TSPAN17: variants seen among roughly 807,000 people sequenced by gnomAD.
TSPAN17 encodes the protein tetraspanin-17.
In TSPAN17, 33 loss-of-function variants were observed where a neutral mutation model predicts 40.5. The ratio of observed to expected loss-of-function variants is 0.81; its 90% confidence interval spans 0.62 to 1.09. TSPAN17 has a LOEUF of 1.09. Among genes scored for constraint, TSPAN17 ranks in the 50% least tolerant of loss-of-function variants. The pLI is 0.00. For synonymous variants in TSPAN17, 166 were observed against 169.4 expected (o/e 0.98, Z 0.15); for missense variants, 365 against 416.8 (o/e 0.88, Z 1.08).
Position 176,657,076 on chromosome 5 carries a change from T to C in TSPAN17, c.809+120T>C, listed in dbSNP as rs1761186337. The C allele has an allele frequency of 7.2e-6, 8 of 1,106,660 alleles. No individual in the cohort carries two copies. In the East Asian group the frequency reaches 2.1e-4, roughly 28 times the overall value. 68.6% of individuals were successfully genotyped at this position (1,106,660 alleles called of 1,614,324 possible). ...CTGCAGGAGATGTTCCTGCTGGGACTGAGCCTTGAGGGGTTCGCCTGAACC... is the reference window on the plus strand; with the variant it reads ...CTGCAGGAGATGTTCCTGCTGGGACCGAGCCTTGAGGGGTTCGCCTGAACC... On this transcript the variant is annotated intron_variant, in intron 8 of 8. Transcript: ENST00000508164.
rs754965746 is a variant in TSPAN17, at chr5:176,652,727, G to T, written c.286-16G>T. 1 of 1,613,636 alleles carries T rather than the reference G, an allele frequency of 6.2e-7. No homozygotes were observed. Among genetic ancestry groups the T allele is most frequent in the African/African-American group, 1.3e-5 (1 of 74,922 alleles). ...CCTGCGTTTCCAACCCCTACTGTCTGTATGCCCAACCCCAGTTCTCCGTGT... is the reference window on the plus strand; with the variant it reads ...CCTGCGTTTCCAACCCCTACTGTCTTTATGCCCAACCCCAGTTCTCCGTGT... On this transcript the variant is annotated splice_polypyrimidine_tract_variant and intron_variant, in intron 3 of 8. Transcript: ENST00000508164.
rs1213333014 is a variant in TSPAN17, at chr5:176,647,645, AC to A, written c.32del (p.Pro11LeufsTer45). Reference sequence around the variant, plus strand: ...CCGGCAAGCACCAGCATTTCCAGGAACCTGAGGTCGGCTGCTGCGGGAAATA... The same window carrying A: ...CCGGCAAGCACCAGCATTTCCAGGAACTGAGGTCGGCTGCTGCGGGAAATA... The part of the protein sequence containing the change: MPGKHQHFQE[P>X]EVGCCGKYFL... On this transcript the variant is annotated frameshift_variant, in exon 1 of 9. Coordinates refer to ENST00000508164, the MANE Select transcript of TSPAN17 (RefSeq NM_130465.5). LOFTEE classifies it high-confidence loss of function. The A allele has an allele frequency of 4.4e-6, 7 of 1,598,702 alleles. No homozygotes were observed. Among genetic ancestry groups the A allele is most frequent in the Non-Finnish European group, 6.0e-6 (7 of 1,173,534 alleles).
intron 1 of TSPAN17, among the ~76,000 whole-genome samples, chr5:176,648,252 A>G (rs999802887): frequency 3.9e-5 from 6 of 152,088 alleles, no homozygotes; most frequent in Admixed American, 1.3e-4. Context: ...ACCTGCCAGG[A>G]GGGGCAGGGA....
At position 176,647,714 on chromosome 5, in the gene TSPAN17, G is replaced by A. The variant is rs747821197; in HGVS notation, c.87+12G>A. 3.8e-6 allele frequency: 6 copies of A among 1,579,630 alleles called. No individual in the cohort carries two copies. The Admixed American group carries it at 1.1e-4, about 29-fold the overall frequency. On this transcript the variant is annotated intron_variant, in intron 1 of 8. Transcript: ENST00000508164. Reference sequence around the variant, plus strand: ...ACATTGTCTTCTGGGTGAGCGCGGGGTCTGCGCCTTGCCCTGTGCTGGGGG... The same window carrying A: ...ACATTGTCTTCTGGGTGAGCGCGGGATCTGCGCCTTGCCCTGTGCTGGGGG...
intron 1 of TSPAN17, 97 bp downstream of exon 1, chr5:176,647,799 T>G: frequency 8.1e-7 from 1 of 1,234,176 alleles, no homozygotes; most frequent in Non-Finnish European, 1.1e-6. Context: ...CCCCAAGAGT[T>G]TGGAGCTCGG....
intron 5 of TSPAN17, among the ~76,000 whole-genome samples, 157 bp downstream of exon 5, chr5:176,655,177 G>A (rs1005601972): frequency 2.0e-4 from 30 of 152,176 alleles, no homozygotes; most frequent in Admixed American, 1.7e-3. Context: ...GTTGGGGCGC[G>A]GCTGCTTTCC....
chr5:176,656,622 C>G, intron 6 of TSPAN17, 78 bp from the exon 7 acceptor site: 1 of 1,437,498 alleles, frequency 7.0e-7, no homozygotes, highest in Non-Finnish European at 9.7e-7. Flanking sequence ...CTGGGGTGGG[C>G]GTGAGCTTGG....
At position 176,659,027 on chromosome 5, in the gene TSPAN17, G is replaced by A. The variant is rs1761262594; in HGVS notation, c.*1329G>A. 1.3e-5 allele frequency: 2 copies of A among 152,294 alleles called. No individual in the cohort carries two copies. Among genetic ancestry groups the A allele is most frequent in the Admixed American group, 1.3e-4 (2 of 15,288 alleles). The allele number at this position is 152,294 out of a possible 1,614,324, so 9.4% of individuals were successfully genotyped here. On this transcript the variant is annotated 3_prime_UTR_variant, in exon 9 of 9. Coordinates refer to ENST00000508164, the MANE Select transcript of TSPAN17 (RefSeq NM_130465.5). ...CGCTGGCTGTGAGTGGTTTGTACAT[G>A]CTACAATAAATGCAGCTGGCAGCAT...
At chr5:176,652,557 G>T (rs1480764302) in intron 3 of TSPAN17, among the ~76,000 whole-genome samples, 186 bp from the exon 4 acceptor site, 1 of 152,130 alleles carries the variant, frequency 6.6e-6, no homozygotes, top group East Asian at 1.9e-4. Flanking sequence ...AATTGGATGG[G>T]TAGGTAACAA....
Position 176,656,804 on chromosome 5 carries a change from C to T in TSPAN17, c.735C>T (p.Ile245=), listed in dbSNP as rs772417953. 27 of 1,614,082 alleles carry T rather than the reference C, an allele frequency of 1.7e-5. No homozygotes were observed. Among genetic ancestry groups the T allele is most frequent in the South Asian group, 4.4e-5 (4 of 91,088 alleles). Residue 245 remains isoleucine (I), a synonymous_variant, in exon 7 of 9, where the codon ATC becomes ATT. Coordinates refer to ENST00000508164, the MANE Select transcript of TSPAN17 (RefSeq NM_130465.5). ...TGGTGGCGGGAGTCTTCATGGGCAT[C>T]GCCCTCCTCCAGGTACCCTTGTGGC... ...LIVVAGVFMG[I]ALLQIFGICL... is the part of the protein sequence containing the mutation.
Position 176,652,788 on chromosome 5 carries a change from G to C in TSPAN17, c.331G>C (p.Gly111Arg), listed in dbSNP as rs1466559670. ...GLIFFLELAT[G>R]ILAFVFKDWI... is the part of the protein sequence containing the mutation. ...CATCTTCTTCCTGGAGCTGGCAACA[G>C]GGATCCTGGCCTTTGTCTTCAAGGA... The change falls in exon 4 of 9, where the codon GGG (glycine) becomes CGG (arginine). Residue 111 changes from glycine (G) to arginine (R), a missense_variant. Transcript: ENST00000508164. The C allele has an allele frequency of 6.2e-7, 1 of 1,614,020 alleles. No homozygotes were observed. Among genetic ancestry groups the C allele is most frequent in the African/African-American group, 1.3e-5 (1 of 74,902 alleles).
Position 176,654,772 on chromosome 5 carries a change from C to G in TSPAN17, c.457-123C>G. 7.7e-7 allele frequency: 1 copy of G among 1,301,118 alleles called. No homozygotes were observed. The highest frequency in any genetic ancestry group is 2.5e-5 in the Admixed American group (1 of 40,662). The allele number at this position is 1,301,118 out of a possible 1,614,324, so 80.6% of individuals were successfully genotyped here. ...CTGTGGGGGTGGGGAGGTGGCCACC[C>G]ACTTGGCTGTCCCAGCCCTGTCCCA... On this transcript the variant is annotated intron_variant, in intron 4 of 8. Transcript: ENST00000508164. The surrounding 1 kb of genome is among the most constrained non-coding windows in gnomAD (Gnocchi z 4.3).
intron 8 of TSPAN17, 131 bp downstream of exon 8, chr5:176,657,087 G>C (rs1255009050): frequency 4.0e-6 from 4 of 1,000,544 alleles, no homozygotes; most frequent in African/African-American, 1.6e-5. Flanking sequence ...GAGCCTTGAG[G>C]GGTTCGCCTG....
chr5:176,653,555 C>G (rs978973011), intron 4 of TSPAN17: 1 of 153,178 alleles, frequency 6.5e-6, no homozygotes, highest in Non-Finnish European at 1.5e-5. Flanking sequence ...CACCCACAGT[C>G]ACAACCACAC....
chr5:176,651,643 G>A lies in TSPAN17; in HGVS notation c.115G>A (p.Gly39Ser). 3 of 1,613,794 alleles carry A rather than the reference G, an allele frequency of 1.9e-6. No individual in the cohort carries two copies. Among genetic ancestry groups the A allele is most frequent in the South Asian group, 1.1e-5 (1 of 91,056 alleles). Reference protein sequence around the residue: ...WVLGALFLAIGLWAWGEKGVL... With the variant: ...WVLGALFLAISLWAWGEKGVL... Reference sequence around the variant, plus strand: ...GCTGGGAGCCCTGTTCCTGGCTATCGGCCTCTGGGCCTGGGGTGAGAAGGT... The same window carrying A: ...GCTGGGAGCCCTGTTCCTGGCTATCAGCCTCTGGGCCTGGGGTGAGAAGGT... The change falls in exon 2 of 9, where the codon GGC becomes AGC. Residue 39 changes from glycine (G) to serine (S), a missense_variant. Transcript: ENST00000508164. This position sits in a 1 kb window ranked among gnomAD's most constrained non-coding sequence, Gnocchi z 4.5.
rs760724613 is a variant in TSPAN17, at chr5:176,657,571, AG to A, written c.865del (p.Val289SerfsTer12). The A allele has an allele frequency of 3.0e-5, 48 of 1,613,436 alleles. No homozygotes were observed. The South Asian group carries it at 5.1e-4, about 17-fold the overall frequency. Reference protein sequence around the residue: ...ENHWLTPTISEVLSTAGPQQN... With the variant: ...ENHWLTPTISXVLSTAGPQQN... ...CACTGGCTTACGCCCACCATTTCCG[AG>A]GTCCTGTCCACGGCGGGGCCTCAGC... On this transcript the variant is annotated frameshift_variant, in exon 9 of 9. Transcript: ENST00000508164. LOFTEE classifies it low-confidence loss of function (END_TRUNC).
chr5:176,656,901 G>A lies in TSPAN17; in HGVS notation c.754G>A (p.Gly252Ser). The change falls in exon 8 of 9, where the codon GGC becomes AGC. Residue 252 changes from glycine (G) to serine (S), a missense_variant. Coordinates refer to ENST00000508164, the MANE Select transcript of TSPAN17 (RefSeq NM_130465.5). ...CCTGTCCTCTGTCTTACAGATCTTT[G>A]GCATCTGCCTGGCCCAGAACCTCGT... ...FMGIALLQIF[G>S]ICLAQNLVSD... is the part of the protein sequence containing the mutation. 1 of 1,614,188 alleles carries A rather than the reference G, an allele frequency of 6.2e-7. No homozygotes were observed. Among genetic ancestry groups the A allele is most frequent in the East Asian group, 2.2e-5 (1 of 44,874 alleles).
rs1761218009 is a variant in TSPAN17 at position 176,657,818 on chromosome 5, G to A, written c.*120G>A. 5 of 1,491,084 alleles carry A rather than the reference G, an allele frequency of 3.4e-6. No individual in the cohort carries two copies. In the South Asian group the frequency reaches 5.6e-5, roughly 17 times the overall value. 92.4% of individuals were successfully genotyped at this position (1,491,084 alleles called of 1,614,324 possible). ...TCCCCAGTCACCAAGGGCCCCAGCT[G>A]GCCCGTTCTACTCACCTAAGTGCCG... is the stretch of plus-strand genomic sequence containing the variant. On this transcript the variant is annotated 3_prime_UTR_variant, in exon 9 of 9. Transcript: ENST00000508164.
At position 176,651,501 on chromosome 5, in the gene TSPAN17, A is replaced by G; in HGVS notation, c.88-115A>G. On this transcript the variant is annotated intron_variant, in intron 1 of 8. Coordinates refer to ENST00000508164, the MANE Select transcript of TSPAN17 (RefSeq NM_130465.5). This position sits in a 1 kb window ranked among gnomAD's most constrained non-coding sequence, Gnocchi z 4.5. ...GGAAAGGACCCCGGATCCCGTTCAC[A>G]GCCCTTGTGCCTCTTCCTCTCTCCG... The G allele has an allele frequency of 8.7e-7, 1 of 1,143,482 alleles. No homozygotes were observed. The highest frequency in any genetic ancestry group is 1.2e-6 in the Non-Finnish European group (1 of 821,478). The allele number at this position is 1,143,482 out of a possible 1,614,324, so 70.8% of individuals were successfully genotyped here.
Sources: gnomAD v4.1 joint callset for allele counts (sites outside exome capture counted in the v4.1 genomes callset) on GRCh38, gnomAD v4.1.1 for gene constraint, Gnocchi (gnomAD v3.1) non-coding constraint, MANE v1.5 for transcripts, NCBI Gene and HGNC (gene_info 2026-07-23, HGNC 2026-07-21) for gene names.